The following SVOPL variants were observed in gnomAD, a reference collection of about 807,000 sequenced individuals.
SVOPL encodes the protein putative transporter SVOPL.
Under a neutral mutation model 61.0 loss-of-function variants are expected in SVOPL, and 60 were observed. The observed-to-expected ratio is 0.98, with a 90% CI of 0.80 to 1.22. The LOEUF (loss-of-function observed/expected upper bound fraction) is 1.22. Ranked by LOEUF, SVOPL falls within the 50% of genes most tolerant of loss-of-function variation. The pLI is 0.00. For synonymous variants in SVOPL, 279 were observed against 250.0 expected (o/e 1.12, Z -1.09); for missense variants, 662 against 643.9 (o/e 1.03, Z -0.30).
chr7:138,643,254 G>A (rs754349609), intron 9 of SVOPL, among the ~76,000 whole-genome samples: 6 of 151,808 alleles, frequency 4.0e-5, no homozygotes, highest in African/African-American at 7.3e-5. Flanking sequence ...GTGAAACCCC[G>A]TCTCTACTAA....
intron 14 of SVOPL, 141 bp from the exon 15 acceptor site, chr7:138,596,671 T>C: frequency 7.2e-7 from 1 of 1,394,484 alleles, no homozygotes; most frequent in Non-Finnish European, 9.3e-7. Flanking sequence ...TCCTGACAAA[T>C]TGATTTATCT....
chr7:138,598,335 T>C (rs1371463), intron 14 of SVOPL, among the ~76,000 whole-genome samples: 116,590 of 152,088 alleles, frequency 0.77, 46,002 homozygotes, highest in African/African-American at 0.94. Flanking sequence ...AAAATACATT[T>C]AGCAAAACTG....
chr7:138,605,542 A>G (rs1798718493), intron 14 of SVOPL, among the ~76,000 whole-genome samples: 2 of 151,188 alleles, frequency 1.3e-5, no homozygotes, highest in African/African-American at 4.9e-5. Context: ...GGCGCCTATA[A>G]TCCCAGCTAC....
At chr7:138,612,447 T>TAAAAAA (rs59229265) in intron 14 of SVOPL, among the ~76,000 whole-genome samples, 5 of 22,312 alleles carry the variant, frequency 2.2e-4, no homozygotes, top group Admixed American at 4.6e-4. Context: ...AAAAAAAAAA[T>TAAAAAA]AAAAAAAAAA....
At position 138,596,464 on chromosome 7, in the gene SVOPL, T is replaced by C. The variant is rs111250132; in HGVS notation, c.1420A>G (p.Ile474Val). The C allele has an allele frequency of 3.1e-6, 5 of 1,613,980 alleles. No individual in the cohort carries two copies. Among genetic ancestry groups the C allele is most frequent in the African/African-American group, 1.3e-5 (1 of 75,020 alleles). Residue 474 changes from isoleucine (I) to valine (V), a missense_variant, in exon 15 of 16, where the codon ATT becomes GTT. Transcript: ENST00000674285. Reference sequence around the variant, plus strand: ...TCGATGGGGAGAGTGAATGCAGAAATGGCGCATACAACACAGACAGATGAG... The same window carrying C: ...TCGATGGGGAGAGTGAATGCAGAAACGGCGCATACAACACAGACAGATGAG... ...LFSSVCVVCA[I>V]SAFTLPIETK... is the part of the protein sequence containing the mutation.
At chr7:138,598,972 T>C (rs949799694) in intron 14 of SVOPL, among the ~76,000 whole-genome samples, 2 of 151,860 alleles carry the variant, frequency 1.3e-5, no homozygotes, top group African/African-American at 4.8e-5. Flanking sequence ...ATTCTAAAGT[T>C]AAGTTGGCTG....
chr7:138,615,560 C>CAAA (rs770404185), intron 14 of SVOPL, among the ~76,000 whole-genome samples: 58 of 5,536 alleles, frequency 0.01, 12 homozygotes, highest in African/African-American at 0.017. Flanking sequence ...ACTCCGTCTC[C>CAAA]AAAAAAAAAA....
chr7:138,661,641 C>G, intron 5 of SVOPL: 1 of 974,418 alleles, frequency 1.0e-6, no homozygotes. Context: ...TTTGTGACAC[C>G]AAGAAAGATG....
At chr7:138,663,240 C>A in intron 4 of SVOPL, 95 bp from the exon 5 acceptor site, 4 of 1,543,656 alleles carry the variant, frequency 2.6e-6, no homozygotes, top group South Asian at 1.2e-5. Context: ...GCTGGAAATA[C>A]GGGAGGGATG....
intron 7 of SVOPL, among the ~76,000 whole-genome samples, chr7:138,655,111 G>A (rs756579334): frequency 4.2e-4 from 64 of 151,914 alleles, no homozygotes; most frequent in Non-Finnish European, 7.6e-4. Flanking sequence ...GATCACTTGA[G>A]CCTGGGAGGC....
intron 3 of SVOPL, among the ~76,000 whole-genome samples, chr7:138,673,158 G>A (rs900975931): frequency 3.5e-5 from 5 of 143,392 alleles, no homozygotes; most frequent in African/African-American, 1.4e-4. Context: ...TATCTATATG[G>A]GTTATTATAA....
intron 13 of SVOPL, among the ~76,000 whole-genome samples, chr7:138,623,160 G>T (rs1799744340): frequency 6.6e-6 from 1 of 152,216 alleles, no homozygotes; most frequent in South Asian, 2.1e-4. Flanking sequence ...AAATGAGGTT[G>T]CTCTGACTGA....
chr7:138,611,457 T>A (rs1348352221), intron 14 of SVOPL, among the ~76,000 whole-genome samples: 1 of 152,114 alleles, frequency 6.6e-6, no homozygotes, highest in Non-Finnish European at 1.5e-5. Flanking sequence ...CTTTAACTAG[T>A]GCCCAGCTCT....
chr7:138,664,968 C>T lies in SVOPL; in HGVS notation c.274-1823G>A, dbSNP rs1408807379. Among the ~76,000 whole-genome samples the T allele has an allele frequency of 7.5e-4, 24 of 31,968 alleles. 1 individual carries two copies. Among genetic ancestry groups the T allele is most frequent in the South Asian group, 2.9e-3 (2 of 698 alleles). The allele number at this position is 31,968 out of a possible 152,430, so 21.0% of individuals were successfully genotyped here. On this transcript the variant is annotated intron_variant, in intron 4 of 15. Coordinates refer to ENST00000674285, the MANE Select transcript of SVOPL (RefSeq NM_001139456.2). ...CCCTCGACCCTTCCCCCGACACTTC[C>T]CCCATCCCCGCCCTTTCCCCTGACC...
intron 8 of SVOPL, among the ~76,000 whole-genome samples, chr7:138,645,267 G>C (rs1259866252): frequency 6.6e-6 from 1 of 152,134 alleles, no homozygotes; most frequent in Non-Finnish European, 1.5e-5. Context: ...CACGGTGGAG[G>C]AATCAGTTCT....
At chr7:138,647,906 C>T (rs2117015123) in intron 8 of SVOPL, among the ~76,000 whole-genome samples, 1 of 151,610 alleles carries the variant, frequency 6.6e-6, no homozygotes, top group East Asian at 1.9e-4. Context: ...CTGGCAGAGA[C>T]CTGCTTCTAC....
chr7:138,647,746 G>A (rs1801190812), intron 8 of SVOPL, among the ~76,000 whole-genome samples: 2 of 151,856 alleles, frequency 1.3e-5, no homozygotes, highest in South Asian at 4.2e-4. Context: ...TACTCAGGAG[G>A]CTGAGGCAGG....
chr7:138,684,981 A>G (rs1261370986), intron 1 of SVOPL, among the ~76,000 whole-genome samples: 2 of 146,310 alleles, frequency 1.4e-5, no homozygotes, highest in African/African-American at 2.6e-5. Context: ...TGCCCAGGCT[A>G]GAGTGCAATG....
chr7:138,652,105 G>A (rs555426835), intron 7 of SVOPL, among the ~76,000 whole-genome samples: 12 of 151,586 alleles, frequency 7.9e-5, no homozygotes, highest in South Asian at 6.3e-4. Context: ...AGGCTGGAGT[G>A]CAGAGACAGG....
Sources: gnomAD v4.1 joint callset for allele counts (sites outside exome capture counted in the v4.1 genomes callset) on GRCh38, gnomAD v4.1.1 for gene constraint, MANE v1.5 for transcripts, NCBI Gene and HGNC (gene_info 2026-07-23, HGNC 2026-07-21) for gene names.